Variants in CNOT10 observed in about 807,000 individuals in gnomAD.
CNOT10 encodes the protein CCR4-NOT transcription complex, subunit 10.
In CNOT10, 30 loss-of-function variants were observed where a neutral mutation model predicts 94.6. That is an observed-to-expected ratio of 0.32 (90% CI 0.24 to 0.43). The LOEUF is 0.43. Among genes scored for constraint, CNOT10 ranks in the 20% least tolerant of loss-of-function variants. The pLI, the probability that CNOT10 is intolerant of heterozygous loss-of-function variation, is 1.00. For missense variants in CNOT10, 759 were observed against 877.2 expected (o/e 0.87, Z 1.70); for synonymous variants, 289 against 301.6 (o/e 0.96, Z 0.43).
intron 8 of CNOT10, among the ~76,000 whole-genome samples, chr3:32,720,837 C>CTCCCTCCA (rs1212578251): frequency 9.8e-5 from 14 of 142,542 alleles, no homozygotes; most frequent in African/African-American, 3.7e-4. Flanking sequence ...CCCTCCCTCC[C>CTCCCTCCA]TTCCTCCCTT....
intron 13 of CNOT10, among the ~76,000 whole-genome samples, chr3:32,745,288 A>G (rs1237548253): frequency 1.3e-5 from 2 of 151,658 alleles, no homozygotes. Context: ...TTAAAAAATT[A>G]TTGTAGTTTT....
intron 13 of CNOT10, among the ~76,000 whole-genome samples, chr3:32,750,136 A>T (rs142974218): frequency 6.6e-6 from 1 of 150,402 alleles, no homozygotes; most frequent in Admixed American, 6.6e-5. Context: ...GCTTGGGCCC[A>T]GAAGATAGAG....
rs150693379 is a variant in CNOT10 at position 32,707,632 on chromosome 3, C to T, written c.280-1038C>T. On this transcript the variant is annotated intron_variant, in intron 3 of 18. Transcript: ENST00000328834. ...CAGCCTGGCCAACATGGTGAAACCC[C>T]ATCTCTACTAAAAATACAAAATTAG... Among the ~76,000 whole-genome samples the T allele has an allele frequency of 1.9e-3, 282 of 152,096 alleles. 1 individual carries two copies. Among genetic ancestry groups the T allele is most frequent in the African/African-American group, 6.6e-3 (273 of 41,536 alleles).
intron 13 of CNOT10, among the ~76,000 whole-genome samples, chr3:32,747,605 A>T (rs1699756339): frequency 6.6e-6 from 1 of 151,640 alleles, no homozygotes; most frequent in African/African-American, 2.4e-5. Context: ...CACCACACAC[A>T]AACTTCTGGC....
At chr3:32,750,041 A>ACCTT (rs1158517032) in intron 13 of CNOT10, among the ~76,000 whole-genome samples, 23 of 152,066 alleles carry the variant, frequency 1.5e-4, no homozygotes, top group African/African-American at 5.6e-4. Context: ...ACATAGTGAG[A>ACCTT]CCTTGTCTCT....
chr3:32,695,004 C>T (rs150391496), intron 1 of CNOT10, among the ~76,000 whole-genome samples: 15 of 152,278 alleles, frequency 9.9e-5, no homozygotes, highest in Non-Finnish European at 1.5e-4. Flanking sequence ...GGATTACAAG[C>T]CTGAGCCACC....
At chr3:32,755,394 C>T (rs1230462190) in intron 13 of CNOT10, among the ~76,000 whole-genome samples, 2 of 146,952 alleles carry the variant, frequency 1.4e-5, no homozygotes, top group African/African-American at 5.0e-5. Flanking sequence ...TCTCAGCTCA[C>T]TGCAACCTTT....
chr3:32,738,698 G>C (rs908462318), intron 13 of CNOT10, among the ~76,000 whole-genome samples: 1 of 151,768 alleles, frequency 6.6e-6, no homozygotes, highest in Non-Finnish European at 1.5e-5. Context: ...TCCTGACGTC[G>C]TGATCCACCC....
chr3:32,688,824 A>G (rs1696730971), intron 1 of CNOT10, among the ~76,000 whole-genome samples: 1 of 152,028 alleles, frequency 6.6e-6, no homozygotes, highest in Non-Finnish European at 1.5e-5. Flanking sequence ...CTGAGGTGGG[A>G]GGATTGCTTG....
rs1274547366 is a variant in CNOT10, at chr3:32,695,726, T to G, written c.23-8142T>G. The G allele has an allele frequency of 2.0e-6, 3 of 1,535,952 alleles. No homozygotes were observed. In the South Asian group the frequency reaches 3.6e-5, roughly 18 times the overall value. On this transcript the variant is annotated intron_variant, in intron 1 of 18. Coordinates refer to ENST00000328834, the MANE Select transcript of CNOT10 (RefSeq NM_015442.3). ...TCATTAGGCCAGAGTAGAAGGAAAG[T>G]CAAGCTTATGGGTGAACGGTCGTAT...
At chr3:32,742,543 G>C (rs1040042243) in intron 13 of CNOT10, among the ~76,000 whole-genome samples, 1 of 151,912 alleles carries the variant, frequency 6.6e-6, no homozygotes, top group Non-Finnish European at 1.5e-5. Flanking sequence ...CACCACACCC[G>C]GCTAATTTTT....
rs200092626 is a variant in CNOT10, at chr3:32,717,197, G to A, written c.704G>A (p.Cys235Tyr). 1 of 1,610,562 alleles carries A rather than the reference G, an allele frequency of 6.2e-7. No individual in the cohort carries two copies. Among genetic ancestry groups the A allele is most frequent in the Admixed American group, 1.7e-5 (1 of 59,556 alleles). The part of the protein sequence containing the change: ...AYIQMKSLKA[C>Y]KREIKSVMNT... Reference sequence around the variant, plus strand: ...ATCCAAATGAAGTCTCTGAAAGCATGTAAAAGGGAAATCAAGTCAGTCATG... The same window carrying A: ...ATCCAAATGAAGTCTCTGAAAGCATATAAAAGGGAAATCAAGTCAGTCATG... Residue 235 changes from cysteine to tyrosine, a missense_variant, in exon 7 of 19, where the codon TGT (cysteine) becomes TAT (tyrosine). Transcript: ENST00000328834.
At chr3:32,728,505 C>G (rs1461688039) in intron 10 of CNOT10, among the ~76,000 whole-genome samples, 1 of 151,784 alleles carries the variant, frequency 6.6e-6, no homozygotes, top group Non-Finnish European at 1.5e-5. Context: ...CCCAGCTATT[C>G]AAGAGGCTGA....
chr3:32,761,092 G>A (rs1700424026), intron 14 of CNOT10, among the ~76,000 whole-genome samples: 6 of 152,128 alleles, frequency 3.9e-5, no homozygotes, highest in Admixed American at 3.9e-4. Flanking sequence ...TTGTACCACT[G>A]CATTCCAAAC....
intron 1 of CNOT10, among the ~76,000 whole-genome samples, chr3:32,687,439 GTT>G (rs201119069): frequency 1.2e-4 from 6 of 51,310 alleles, no homozygotes; most frequent in Admixed American, 7.1e-4. Context: ...AGTCCTCACG[GTT>G]TTTTTTTTTT....
At chr3:32,747,958 C>G (rs953768108) in intron 13 of CNOT10, among the ~76,000 whole-genome samples, 5 of 151,234 alleles carry the variant, frequency 3.3e-5, no homozygotes, top group Non-Finnish European at 5.9e-5. Flanking sequence ...ACGCTCCCCC[C>G]ACCTCCAAAA....
intron 13 of CNOT10, among the ~76,000 whole-genome samples, chr3:32,755,295 ATTTTCTTTTTTCT>A: frequency 6.8e-6 from 1 of 147,194 alleles, no homozygotes; most frequent in East Asian, 2.0e-4. Flanking sequence ...TTTTATTTTT[ATTTTCTTTTTTCT>A]TTTTCTTTTT....
chr3:32,745,266 G>A (rs62250851), intron 13 of CNOT10, among the ~76,000 whole-genome samples: 12,794 of 151,640 alleles, frequency 0.084, 663 homozygotes, highest in Middle Eastern at 0.18. Flanking sequence ...ATACTGTATT[G>A]GTTTTTAATT....
At position 32,753,475 on chromosome 3, in the gene CNOT10, G is replaced by A. The variant is rs1034636237; in HGVS notation, c.1596-5983G>A. ...TGGAGAGGATTACAATTTGAAACTG[G>A]AACTTCATCCTATAATACCAGAACA... is the stretch of plus-strand genomic sequence containing the variant. On this transcript the variant is annotated intron_variant, in intron 13 of 18. Transcript: ENST00000328834. 10 of 1,559,570 alleles carry A rather than the reference G, an allele frequency of 6.4e-6. No homozygotes were observed. The South Asian group carries it at 1.1e-4, about 17-fold the overall frequency.
Sources: allele counts gnomAD v4.1 joint callset (sites outside exome capture counted in the v4.1 genomes callset), GRCh38; gene constraint gnomAD v4.1.1; transcripts MANE v1.5; gene names NCBI Gene and HGNC (gene_info 2026-07-23, HGNC 2026-07-21).